The following FAM107B variants were observed in gnomAD, a reference collection of about 807,000 sequenced individuals.
FAM107B encodes the protein family with sequence similarity 107 member B, also known as protein FAM107B.
Under a neutral mutation model 31.5 loss-of-function variants are expected in FAM107B, and 21 were observed. That is an observed-to-expected ratio of 0.67 (90% CI 0.47 to 0.96). The LOEUF is 0.96. Ranked by LOEUF, FAM107B falls within the 40% of genes least tolerant of loss-of-function variation. The probability of loss-of-function intolerance (pLI) is 0.00; values close to 1 mark genes in which losing one functional copy is unlikely to be tolerated. For synonymous variants in FAM107B, 157 were observed against 141.5 expected, an observed-to-expected ratio of 1.11 and a Z score of -0.78; for missense variants, 452 against 377.1, an observed-to-expected ratio of 1.20 and a Z score of -1.64.
chr10:14,761,445 A>G (rs1833045900), intron 1 of FAM107B, among the ~76,000 whole-genome samples: 1 of 152,224 alleles, frequency 6.6e-6, no homozygotes, highest in Admixed American at 6.5e-5. Context: ...TATAAGTGAG[A>G]TAATACATCT....
intron 2 of FAM107B, among the ~76,000 whole-genome samples, chr10:14,640,738 C>T (rs760313091): frequency 1.3e-5 from 2 of 152,126 alleles, no homozygotes; most frequent in Non-Finnish European, 2.9e-5. Flanking sequence ...GATAAGGAAA[C>T]TGAGGCTCAG....
chr10:14,623,556 T>C (rs1251360462), intron 2 of FAM107B, among the ~76,000 whole-genome samples: 1 of 152,236 alleles, frequency 6.6e-6, no homozygotes, highest in Admixed American at 6.5e-5. Context: ...GTCAGCGTGG[T>C]GGCTTACGCC....
At chr10:14,754,697 C>T (rs570581307) in intron 1 of FAM107B, among the ~76,000 whole-genome samples, 89 of 152,308 alleles carry the variant, frequency 5.8e-4, no homozygotes, top group African/African-American at 2.0e-3. Context: ...TGATGCCTGC[C>T]CTGACTCTGG....
intron 2 of FAM107B, among the ~76,000 whole-genome samples, chr10:14,538,847 C>A (rs1309013498): frequency 6.6e-6 from 1 of 152,122 alleles, no homozygotes; most frequent in Non-Finnish European, 1.5e-5. Flanking sequence ...GCTTGAAGAC[C>A]ACCCATCTTG....
chr10:14,530,365 T>C lies in FAM107B; in HGVS notation c.620A>G (p.Asp207Gly), dbSNP rs769558835. Reference protein sequence around the residue: ...NPVKTSRNHQDLHRELLMNQK... With the variant: ...NPVKTSRNHQGLHRELLMNQK... ...ATTCATAAGAAGTTCTCTGTGAAGATCTTGATGGTTCCGGGAGGTTTTTAC... is the reference window on the plus strand; with the variant it reads ...ATTCATAAGAAGTTCTCTGTGAAGACCTTGATGGTTCCGGGAGGTTTTTAC... Residue 207 changes from aspartate (D) to glycine (G), a missense_variant, in exon 3 of 5, where the codon GAT becomes GGT. Asp to Gly is a moderately conservative substitution (Grantham distance 94). Transcript: ENST00000181796. The C allele has an allele frequency of 1.9e-6, 3 of 1,613,950 alleles. No homozygotes were observed. Among genetic ancestry groups the C allele is most frequent in the Non-Finnish European group, 2.5e-6 (3 of 1,179,982 alleles).
At chr10:14,574,938 G>C in intron 2 of FAM107B, among the ~76,000 whole-genome samples, 1 of 152,212 alleles carries the variant, frequency 6.6e-6, no homozygotes, top group South Asian at 2.1e-4. Flanking sequence ...AGGGTACAGT[G>C]TGCCCCATCG....
chr10:14,604,795 A>C (rs1852544783), intron 2 of FAM107B, among the ~76,000 whole-genome samples: 1 of 150,688 alleles, frequency 6.6e-6, no homozygotes, highest in African/African-American at 2.4e-5. Flanking sequence ...CTCTTCTTTT[A>C]TCTCTTTCTC....
intron 1 of FAM107B, among the ~76,000 whole-genome samples, chr10:14,746,519 T>C (rs184892617): frequency 6.6e-6 from 1 of 152,356 alleles, no homozygotes; most frequent in East Asian, 1.9e-4. Context: ...CATTTGCTTG[T>C]CTGAAAAGGA....
At chr10:14,706,735 T>C (rs930217783) in intron 1 of FAM107B, among the ~76,000 whole-genome samples, 9 of 152,222 alleles carry the variant, frequency 5.9e-5, no homozygotes, top group African/African-American at 1.9e-4. Context: ...CTGGAGACTA[T>C]CTTTTCCTGG....
At chr10:14,605,729 T>G (rs1299576282) in intron 2 of FAM107B, among the ~76,000 whole-genome samples, 1 of 152,132 alleles carries the variant, frequency 6.6e-6, no homozygotes. Flanking sequence ...ATACATGGTG[T>G]TTCCTATGAT....
intron 2 of FAM107B, among the ~76,000 whole-genome samples, chr10:14,592,093 G>T (rs1852039354): frequency 6.6e-6 from 1 of 152,204 alleles, no homozygotes; most frequent in Non-Finnish European, 1.5e-5. Context: ...TGCTGGGGAG[G>T]TGGGAAGTTC....
intron 2 of FAM107B, among the ~76,000 whole-genome samples, chr10:14,666,624 G>A (rs1249779978): frequency 1.3e-5 from 2 of 152,198 alleles, no homozygotes; most frequent in South Asian, 2.1e-4. Flanking sequence ...TGCCAAGATG[G>A]TTGGGAACGT....
rs556401053 is a variant in FAM107B at position 14,774,530 on chromosome 10, A to G, written c.134T>C (p.Val45Ala). 4 of 1,614,176 alleles carry G rather than the reference A, an allele frequency of 2.5e-6. No homozygotes were observed. Among genetic ancestry groups the G allele is most frequent in the East Asian group, 4.5e-5 (2 of 44,888 alleles). ...RESASFNQSG[V>A]ADTHSTVRVQ... Reference sequence around the variant, plus strand: ...ACGGACGGTGGAATGAGTATCAGCCACGCCGGACTGATTGAAGGAAGCACT... The same window carrying G: ...ACGGACGGTGGAATGAGTATCAGCCGCGCCGGACTGATTGAAGGAAGCACT... The change falls in exon 1 of 5, where the codon GTG becomes GCG. Residue 45 changes from valine to alanine, a missense_variant. Physicochemically the swap from Val to Ala is moderately conservative, Grantham distance 64 (BLOSUM62 0). Transcript: ENST00000181796.
At chr10:14,708,244 A>T (rs570056505) in intron 1 of FAM107B, among the ~76,000 whole-genome samples, 2 of 151,846 alleles carry the variant, frequency 1.3e-5, no homozygotes, top group South Asian at 2.1e-4. Context: ...CACCTGGCTA[A>T]TTTTTTTTTA....
intron 2 of FAM107B, among the ~76,000 whole-genome samples, chr10:14,583,069 A>G (rs1474119821): frequency 6.6e-6 from 1 of 150,560 alleles, no homozygotes; most frequent in African/African-American, 2.5e-5. Context: ...CCTGGGCAAA[A>G]CAGTGAGACT....
At chr10:14,579,410 T>C (rs567172932) in intron 2 of FAM107B, among the ~76,000 whole-genome samples, 1 of 152,316 alleles carries the variant, frequency 6.6e-6, no homozygotes, top group East Asian at 1.9e-4. Context: ...GCAGTGCATA[T>C]CTAAACCCTC....
intron 1 of FAM107B, among the ~76,000 whole-genome samples, chr10:14,714,616 A>T (rs574886423): frequency 1.3e-5 from 2 of 152,246 alleles, no homozygotes; most frequent in East Asian, 1.9e-4. Context: ...CGAAGACTTT[A>T]ATCAACACCA....
intron 2 of FAM107B, among the ~76,000 whole-genome samples, chr10:14,540,335 G>T (rs1484265707): frequency 1.3e-5 from 2 of 152,172 alleles, no homozygotes; most frequent in Non-Finnish European, 2.9e-5. Flanking sequence ...GCTGTGATCC[G>T]TGGTCACTAA....
At chr10:14,665,766 T>C (rs1854388492) in intron 2 of FAM107B, among the ~76,000 whole-genome samples, 1 of 152,202 alleles carries the variant, frequency 6.6e-6, no homozygotes, top group Admixed American at 6.5e-5. Flanking sequence ...CAAGGGGCCT[T>C]GTTTGATCCT....
Sources: gnomAD v4.1 joint callset for allele counts (sites outside exome capture counted in the v4.1 genomes callset) on GRCh38, gnomAD v4.1.1 for gene constraint, MANE v1.5 for transcripts, NCBI Gene and HGNC (gene_info 2026-07-23, HGNC 2026-07-21) for gene names.